XYLT1: variants seen among roughly 807,000 people sequenced by gnomAD.
The protein encoded by XYLT1 is beta-D-xylosyltransferase 1.
In XYLT1, 36 loss-of-function variants were observed where a neutral mutation model predicts 91.3. The observed-to-expected ratio is 0.39, with a 90% CI of 0.30 to 0.52. XYLT1 has a LOEUF of 0.52. Among genes scored for constraint, XYLT1 ranks in the 20% least tolerant of loss-of-function variants. The pLI is 0.68. For synonymous variants in XYLT1, 588 were observed against 532.0 expected (o/e 1.11, Z -1.45); for missense variants, 1,242 against 1,284.5 (o/e 0.97, Z 0.51).
chr16:17,227,608 C>G (rs148343373), intron 3 of XYLT1: 1 of 152,254 alleles, frequency 6.6e-6, no homozygotes, highest in Non-Finnish European at 1.5e-5. Context: ...AGAAGAGGCT[C>G]AAGCTGCAAT....
At chr16:17,382,351 G>A (rs1460835059) in intron 1 of XYLT1, among the ~76,000 whole-genome samples, 1 of 151,854 alleles carries the variant, frequency 6.6e-6, no homozygotes, top group Non-Finnish European at 1.5e-5. Flanking sequence ...TTTCTGTGAT[G>A]ATAGAAACAG....
intron 1 of XYLT1, among the ~76,000 whole-genome samples, chr16:17,469,141 G>C (rs558185339): frequency 1.3e-5 from 2 of 152,248 alleles, no homozygotes; most frequent in African/African-American, 4.8e-5. Flanking sequence ...ATGAAGAGCT[G>C]CACTCCGGCA....
At chr16:17,316,795 A>T (rs184593190) in intron 2 of XYLT1, among the ~76,000 whole-genome samples, 254 of 150,596 alleles carry the variant, frequency 1.7e-3, no homozygotes, top group African/African-American at 5.9e-3. Flanking sequence ...CTGTTACCTG[A>T]AAGAGCTCAC....
intron 5 of XYLT1, among the ~76,000 whole-genome samples, chr16:17,169,171 G>A (rs533566447): frequency 2.1e-4 from 32 of 152,240 alleles, no homozygotes; most frequent in Non-Finnish European, 4.0e-4. Context: ...ATATAGGTAG[G>A]TCCCTGTGAT....
intron 2 of XYLT1, among the ~76,000 whole-genome samples, chr16:17,267,880 T>C (rs1183953056): frequency 6.8e-6 from 1 of 147,978 alleles, no homozygotes; most frequent in Non-Finnish European, 1.5e-5. Context: ...GAGGCTGTTA[T>C]GAGAATTAAG....
At chr16:17,241,947 C>CA (rs2033351211) in intron 3 of XYLT1, among the ~76,000 whole-genome samples, 1 of 152,148 alleles carries the variant, frequency 6.6e-6, no homozygotes, top group Non-Finnish European at 1.5e-5. Context: ...GGGAAGACCT[C>CA]ACAAGTATGG....
chr16:17,385,464 T>G (rs1050509318), intron 1 of XYLT1, among the ~76,000 whole-genome samples: 6 of 151,864 alleles, frequency 4.0e-5, no homozygotes, highest in Admixed American at 6.6e-5. Context: ...TGTCTGTTTC[T>G]GGCACCTCAC....
At chr16:17,113,303 G>A (rs559716139) in intron 11 of XYLT1, among the ~76,000 whole-genome samples, 46 of 151,536 alleles carry the variant, frequency 3.0e-4, no homozygotes, top group African/African-American at 1.1e-3. Flanking sequence ...CACCATGCCT[G>A]GCTAATTTTT....
chr16:17,445,984 C>T (rs567341311), intron 1 of XYLT1: 2 of 152,350 alleles, frequency 1.3e-5, no homozygotes, highest in African/African-American at 4.8e-5. Context: ...TATTCCAACT[C>T]CCAGCTGGAA....
At chr16:17,337,718 C>G (rs1178695998) in intron 2 of XYLT1, among the ~76,000 whole-genome samples, 1 of 151,876 alleles carries the variant, frequency 6.6e-6, no homozygotes, top group Non-Finnish European at 1.5e-5. Context: ...TTGCCCTATT[C>G]ACACATTCCC....
At chr16:17,372,731 G>A (rs1030539418) in intron 1 of XYLT1, among the ~76,000 whole-genome samples, 4 of 152,100 alleles carry the variant, frequency 2.6e-5, no homozygotes, top group African/African-American at 9.7e-5. Context: ...TACAAATGCC[G>A]GCTCAATTAT....
chr16:17,106,681 C>T lies in XYLT1; in HGVS notation c.*2014G>A, dbSNP rs931401374. 6.6e-6 allele frequency: 1 copy of T among 152,230 alleles called. No individual in the cohort carries two copies. The highest frequency in any genetic ancestry group is 2.4e-5 in the African/African-American group (1 of 41,442). 9.4% of individuals were successfully genotyped at this position (152,230 alleles called of 1,614,324 possible). ...AACTCTCTGCAGCTAGCACATTCCC[C>T]ACTCACCCTCCACGTTTTCTGCCTG... On this transcript the variant is annotated 3_prime_UTR_variant, in exon 12 of 12. Transcript: ENST00000261381.
intron 2 of XYLT1, among the ~76,000 whole-genome samples, chr16:17,342,990 A>C (rs964065154): frequency 2.0e-5 from 3 of 152,250 alleles, no homozygotes; most frequent in African/African-American, 7.2e-5. Context: ...CAAAACATAA[A>C]TTTTGAAAAA....
chr16:17,277,630 T>G (rs2033997746), intron 2 of XYLT1, among the ~76,000 whole-genome samples: 1 of 152,130 alleles, frequency 6.6e-6, no homozygotes, highest in Non-Finnish European at 1.5e-5. Flanking sequence ...CCTCCTGTGA[T>G]CCACCTGCCT....
intron 5 of XYLT1, among the ~76,000 whole-genome samples, chr16:17,187,128 A>T (rs1201604038): frequency 6.6e-6 from 1 of 152,094 alleles, no homozygotes; most frequent in Non-Finnish European, 1.5e-5. Context: ...GTGGTGGCTC[A>T]TGCCTGTAAT....
At chr16:17,147,248 C>T (rs2031158199) in intron 6 of XYLT1, among the ~76,000 whole-genome samples, 1 of 152,204 alleles carries the variant, frequency 6.6e-6, no homozygotes, top group Non-Finnish European at 1.5e-5. Flanking sequence ...CTGGCTAGTG[C>T]TAATTATACA....
intron 1 of XYLT1, among the ~76,000 whole-genome samples, chr16:17,394,999 C>T (rs2035865836): frequency 6.6e-6 from 1 of 152,108 alleles, no homozygotes; most frequent in Non-Finnish European, 1.5e-5. Context: ...TCAAGAACTA[C>T]CTGAGGCTGG....
At chr16:17,128,154 G>C (rs951602746) in intron 9 of XYLT1, among the ~76,000 whole-genome samples, 1 of 152,164 alleles carries the variant, frequency 6.6e-6, no homozygotes, top group Non-Finnish European at 1.5e-5. Context: ...GAGTCCTCTG[G>C]TGCTTGGTAC....
At chr16:17,276,708 C>T (rs1191338145) in intron 2 of XYLT1, among the ~76,000 whole-genome samples, 1 of 152,230 alleles carries the variant, frequency 6.6e-6, no homozygotes, top group African/African-American at 2.4e-5. Context: ...GATATGCTAC[C>T]AGGACACGAT....
Sources: gnomAD v4.1 joint callset for allele counts (sites outside exome capture counted in the v4.1 genomes callset) on GRCh38, gnomAD v4.1.1 for gene constraint, MANE v1.5 for transcripts, NCBI Gene and HGNC (gene_info 2026-07-23, HGNC 2026-07-21) for gene names.